The following PTPRT variants were observed in gnomAD, a reference collection of about 807,000 sequenced individuals.
PTPRT encodes protein tyrosine phosphatase receptor type T, also known as receptor-type tyrosine-protein phosphatase T.
In PTPRT, 56 loss-of-function variants were observed where a neutral mutation model predicts 176.8. The observed-to-expected ratio is 0.32, with a 90% confidence interval of 0.26 to 0.40. The LOEUF is 0.40. Ranked by LOEUF, PTPRT falls within the 10% of genes least tolerant of loss-of-function variation. PTPRT has a pLI of 1.00. For synonymous variants in PTPRT, 783 were observed against 739.0 expected, an observed-to-expected ratio of 1.06 and a Z score of -0.96; for missense variants, 1,540 against 1,908.2, an observed-to-expected ratio of 0.81 and a Z score of 3.60.
chr20:42,156,280 T>C (rs1466664101), intron 17 of PTPRT, among the ~76,000 whole-genome samples: 1 of 152,202 alleles, frequency 6.6e-6, no homozygotes, highest in Non-Finnish European at 1.5e-5. Context: ...GCTCTCAGAA[T>C]AGGCTCTACA....
At chr20:42,967,763 C>T (rs1380298545) in intron 1 of PTPRT, among the ~76,000 whole-genome samples, 3 of 150,972 alleles carry the variant, frequency 2.0e-5, no homozygotes, top group Non-Finnish European at 4.4e-5. Context: ...TTCAAACCAT[C>T]GCAGCAGCCT....
chr20:42,115,170 C>T lies in PTPRT; in HGVS notation c.3099+29G>A, dbSNP rs759014161. The T allele has an allele frequency of 4.7e-5, 71 of 1,526,016 alleles. No homozygotes were observed. In the Middle Eastern group the frequency reaches 5.2e-4, roughly 11 times the overall value. The allele number at this position is 1,526,016 out of a possible 1,614,324, so 94.5% of individuals were successfully genotyped here. A position where few individuals can be genotyped will look rare whatever the true frequency, so the allele number is the denominator to read the frequency against. On this transcript the variant is annotated intron_variant, in intron 22 of 30. Coordinates refer to ENST00000373187, the MANE Select transcript of PTPRT (RefSeq NM_007050.6). The stretch of plus-strand genomic sequence containing the variant: ...AAACAAGCTGGCTCTCATGGTGGAC[C>T]GGCTGCCCACAGCCTCCAAGAAGCT...
chr20:43,181,924 G>A (rs2015268364), intron 1 of PTPRT, among the ~76,000 whole-genome samples: 1 of 152,204 alleles, frequency 6.6e-6, no homozygotes, highest in Admixed American at 6.5e-5. Context: ...GTTTGAAGGA[G>A]CTTCCAATAG....
intron 9 of PTPRT, among the ~76,000 whole-genome samples, chr20:42,445,838 C>T (rs1489151260): frequency 1.3e-5 from 2 of 152,172 alleles, no homozygotes; most frequent in Non-Finnish European, 2.9e-5. Flanking sequence ...AGAAGGACAA[C>T]CTGCTCTAAT....
At chr20:43,127,315 CGGGA>C (rs2013481716) in intron 1 of PTPRT, among the ~76,000 whole-genome samples, 1 of 150,578 alleles carries the variant, frequency 6.6e-6, no homozygotes, top group Admixed American at 6.7e-5. Context: ...CCCAGCTACT[CGGGA>C]GGCTGAGGCA....
intron 5 of PTPRT, among the ~76,000 whole-genome samples, chr20:42,766,693 C>G (rs991613628): frequency 6.6e-6 from 1 of 152,196 alleles, no homozygotes; most frequent in Non-Finnish European, 1.5e-5. Flanking sequence ...GGATTTATCT[C>G]AAACTATGAA....
At chr20:42,352,314 CAAAT>C (rs1356315732) in intron 9 of PTPRT, 29 bp from the exon 10 acceptor site, 4 of 1,609,190 alleles carry the variant, frequency 2.5e-6, no homozygotes, top group Non-Finnish European at 2.6e-6. Context: ...AACAAACAAA[CAAAT>C]AAATGCCTCA....
chr20:42,335,937 A>G (rs1486655594), intron 11 of PTPRT, among the ~76,000 whole-genome samples: 1 of 152,182 alleles, frequency 6.6e-6, no homozygotes, highest in East Asian at 1.9e-4. Context: ...ATCGGCTGCT[A>G]CTAGCTGCAT....
intron 1 of PTPRT, among the ~76,000 whole-genome samples, chr20:42,961,403 T>G (rs968458838): frequency 1.3e-4 from 20 of 152,246 alleles, no homozygotes; most frequent in Admixed American, 9.8e-4. Context: ...TTAGTTATTA[T>G]GCACAATTGC....
chr20:42,955,908 C>T (rs79787706), intron 1 of PTPRT, among the ~76,000 whole-genome samples: 2,157 of 151,974 alleles, frequency 0.014, 49 homozygotes, highest in African/African-American at 0.049. Context: ...AGTGCATCCC[C>T]GGGCCAGCCA....
chr20:43,098,554 T>C (rs1184622160), intron 1 of PTPRT, among the ~76,000 whole-genome samples: 3 of 151,836 alleles, frequency 2.0e-5, no homozygotes, highest in Non-Finnish European at 2.9e-5. Context: ...TTTCTTTTTT[T>C]TTTTTTTGTT....
chr20:42,839,328 C>T (rs1486667811), intron 2 of PTPRT, among the ~76,000 whole-genome samples: 3 of 148,414 alleles, frequency 2.0e-5, no homozygotes, highest in Middle Eastern at 3.4e-3. Flanking sequence ...TTTTTTAAAG[C>T]GCCCTTCACA....
At chr20:43,149,340 TG>T (rs1186598772) in intron 1 of PTPRT, among the ~76,000 whole-genome samples, 1 of 152,340 alleles carries the variant, frequency 6.6e-6, no homozygotes, top group East Asian at 1.9e-4. Flanking sequence ...TTATATGCTT[TG>T]AAAAACTGCT....
intron 1 of PTPRT, among the ~76,000 whole-genome samples, chr20:42,888,778 T>C (rs1336126252): frequency 6.6e-6 from 1 of 152,192 alleles, no homozygotes; most frequent in African/African-American, 2.4e-5. Context: ...TAATGGGCTC[T>C]GGACATGGCA....
intron 9 of PTPRT, among the ~76,000 whole-genome samples, chr20:42,400,305 C>T (rs532593156): frequency 1.3e-5 from 2 of 152,048 alleles, no homozygotes; most frequent in East Asian, 3.9e-4. Flanking sequence ...TAGACAAGCA[C>T]AGTTGATTGG....
At chr20:42,194,754 G>A (rs779083551) in intron 16 of PTPRT, among the ~76,000 whole-genome samples, 10 of 152,190 alleles carry the variant, frequency 6.6e-5, no homozygotes, top group East Asian at 1.9e-4. Flanking sequence ...AATGTGACAC[G>A]TACTCCTTTT....
At chr20:42,622,883 C>A (rs1316587815) in intron 7 of PTPRT, among the ~76,000 whole-genome samples, 1 of 152,162 alleles carries the variant, frequency 6.6e-6, no homozygotes, top group Non-Finnish European at 1.5e-5. Flanking sequence ...AACCCACAGC[C>A]CTCAGTGAGA....
At chr20:42,676,889 G>A (rs2075514224) in intron 7 of PTPRT, among the ~76,000 whole-genome samples, 1 of 152,218 alleles carries the variant, frequency 6.6e-6, no homozygotes, top group Non-Finnish European at 1.5e-5. Context: ...TAGAAATGCA[G>A]TAGAAGCCAG....
chr20:42,337,994 G>A (rs185839694), intron 11 of PTPRT, among the ~76,000 whole-genome samples: 10 of 152,254 alleles, frequency 6.6e-5, no homozygotes, highest in East Asian at 1.9e-4. Flanking sequence ...AGAGCCTCCC[G>A]TGTCAGCTTC....
Sources: gnomAD v4.1 joint callset for allele counts (sites outside exome capture counted in the v4.1 genomes callset) on GRCh38, gnomAD v4.1.1 for gene constraint, MANE v1.5 for transcripts, NCBI Gene and HGNC (gene_info 2026-07-23, HGNC 2026-07-21) for gene names.